UBR2: variants seen among roughly 807,000 people sequenced by gnomAD.
The protein encoded by UBR2 is E3 ubiquitin-protein ligase UBR2.
UBR2 carries 92 observed loss-of-function variants against 247.9 expected under a neutral mutation model. The ratio of observed to expected loss-of-function variants is 0.37; its 90% CI spans 0.31 to 0.44. The LOEUF is 0.44. UBR2 is among the 20% of genes least tolerant of loss of function. UBR2 has a pLI of 1.00. For synonymous variants in UBR2, 672 were observed against 693.5 expected (o/e 0.97, Z 0.49); for missense variants, 1,613 against 2,112.6 (o/e 0.76, Z 4.64).
intron 30 of UBR2, among the ~76,000 whole-genome samples, chr6:42,660,302 G>T (rs1325654367): frequency 6.6e-6 from 1 of 152,168 alleles, no homozygotes; most frequent in Admixed American, 6.5e-5. Context: ...TACCACCACA[G>T]ATCGGGTTCC....
In UBR2 at chr6:42,692,224, G is replaced by GC. The variant is rs1359554895; in HGVS notation, c.*1052dup. 6.6e-6 allele frequency: 1 copy of GC among 151,958 alleles called. No individual in the cohort carries two copies. The highest frequency in any genetic ancestry group is 1.5e-5 in the Non-Finnish European group (1 of 67,984). The allele number at this position is 151,958 out of a possible 1,614,324, so 9.4% of individuals were successfully genotyped here. A position where few individuals can be genotyped will look rare whatever the true frequency, so the allele number is the denominator to read the frequency against. The stretch of plus-strand genomic sequence containing the variant: ...GTGATATTCTCTTGTTATTTCTAAG[G>GC]CTAAATTGGCAGAGTATATCATCTA... On this transcript the variant is annotated 3_prime_UTR_variant, in exon 47 of 47. Transcript: ENST00000372901.
intron 11 of UBR2, among the ~76,000 whole-genome samples, chr6:42,627,125 G>C (rs1397982861): frequency 6.6e-6 from 1 of 152,156 alleles, no homozygotes; most frequent in Non-Finnish European, 1.5e-5. Flanking sequence ...CTAGGAAATA[G>C]GGGATGCTGA....
At chr6:42,632,491 T>C (rs1795811039) in intron 11 of UBR2, 61 bp from the exon 12 acceptor site, 1 of 1,419,852 alleles carries the variant, frequency 7.0e-7, no homozygotes, top group Non-Finnish European at 9.3e-7. Flanking sequence ...GTGACTTTTT[T>C]TTTAGTCTTC....
chr6:42,659,132 G>A lies in UBR2; in HGVS notation c.3242+308G>A, dbSNP rs1451308868. 6.6e-6 allele frequency among the ~76,000 whole-genome samples: 1 copy of A among 152,110 alleles called. No individual in the cohort carries two copies. The highest frequency in any genetic ancestry group is 2.4e-5 in the African/African-American group (1 of 41,422). On this transcript the variant is annotated intron_variant, in intron 29 of 46. Transcript: ENST00000372901. The surrounding 1 kb of genome is among the most constrained non-coding windows in gnomAD (Gnocchi z 4.3). ...GTGTTGAAGATTAGATTACTGTGAG[G>A]ATTAAAGGAGATGGTTTTGATACAT...
chr6:42,641,543 T>A (rs763843986), intron 16 of UBR2, 39 bp from the exon 17 acceptor site: 1 of 1,511,228 alleles, frequency 6.6e-7, no homozygotes. Context: ...ATGTGTGTGT[T>A]TTTTTTGTTT....
At chr6:42,642,129 A>G (rs1796485058) in intron 17 of UBR2, among the ~76,000 whole-genome samples, 1 of 152,018 alleles carries the variant, frequency 6.6e-6, no homozygotes, top group African/African-American at 2.4e-5. Context: ...CCATAAACAG[A>G]TTTTGTTTTT....
At chr6:42,610,949 G>A (rs947495722) in intron 7 of UBR2, among the ~76,000 whole-genome samples, 8 of 151,044 alleles carry the variant, frequency 5.3e-5, no homozygotes, top group Non-Finnish European at 7.4e-5. Context: ...AGGTTGAAGC[G>A]ATTCTCCTGC....
intron 34 of UBR2, among the ~76,000 whole-genome samples, chr6:42,667,801 C>T (rs1470792436): frequency 4.1e-5 from 6 of 147,680 alleles, no homozygotes; most frequent in African/African-American, 1.5e-4. Flanking sequence ...ACTCTGTCAC[C>T]CAGGCTGGAG....
At chr6:42,667,314 C>T (rs936893164) in intron 34 of UBR2, among the ~76,000 whole-genome samples, 37 of 150,040 alleles carry the variant, frequency 2.5e-4, no homozygotes, top group African/African-American at 7.4e-4. Context: ...CCAGCCTGGG[C>T]GACAGACCAA....
chr6:42,643,549 T>C (rs1796570416), intron 18 of UBR2, among the ~76,000 whole-genome samples: 1 of 152,096 alleles, frequency 6.6e-6, no homozygotes. Flanking sequence ...TGAGCTGAGA[T>C]CACTCCACTG....
chr6:42,577,222 C>T (rs1351507351), intron 2 of UBR2, among the ~76,000 whole-genome samples: 1 of 151,982 alleles, frequency 6.6e-6, no homozygotes. Context: ...TAAACTAGAC[C>T]CTTCAGGATA....
intron 2 of UBR2, among the ~76,000 whole-genome samples, chr6:42,582,797 A>G (rs1206062172): frequency 6.6e-6 from 1 of 152,152 alleles, no homozygotes. Context: ...CATATACTAC[A>G]TAGACTGTTT....
At chr6:42,581,989 G>T (rs1582446812) in intron 2 of UBR2, among the ~76,000 whole-genome samples, 1 of 151,912 alleles carries the variant, frequency 6.6e-6, no homozygotes, top group Non-Finnish European at 1.5e-5. Flanking sequence ...AGCTTTTAAT[G>T]ATACATTTTA....
intron 7 of UBR2, 76 bp from the exon 8 acceptor site, chr6:42,612,095 G>A: frequency 7.4e-7 from 1 of 1,360,360 alleles, no homozygotes. Context: ...GTTATATTAA[G>A]TAAAAATAAT....
At chr6:42,614,244 A>G (rs1178041318) in intron 8 of UBR2, among the ~76,000 whole-genome samples, 643 of 24,742 alleles carry the variant, frequency 0.026, 39 homozygotes, top group South Asian at 0.16. Flanking sequence ...ACACACACAC[A>G]CGCGCGCACA....
chr6:42,632,540 CTTTGT>C lies in UBR2; in HGVS notation c.1282-8_1282-4del. 6.3e-7 allele frequency: 1 copy of C among 1,583,930 alleles called. No homozygotes were observed. ...TTTGATTACCATGCACTCTGATAAA[CTTTGT>C]TTTTAGGCTCGAATGCTCATCACAG... On this transcript the variant is annotated splice_region_variant and splice_polypyrimidine_tract_variant and intron_variant, in intron 11 of 46. Coordinates refer to ENST00000372901, the MANE Select transcript of UBR2 (RefSeq NM_001363705.2).
At chr6:42,588,212 A>G (rs1792418847) in intron 2 of UBR2, among the ~76,000 whole-genome samples, 1 of 152,238 alleles carries the variant, frequency 6.6e-6, no homozygotes, top group South Asian at 2.1e-4. Context: ...GCTTACAGAT[A>G]TTATAAAGGA....
intron 26 of UBR2, among the ~76,000 whole-genome samples, chr6:42,657,554 A>G (rs1169947569): frequency 1.3e-5 from 2 of 152,240 alleles, no homozygotes; most frequent in Non-Finnish European, 2.9e-5. Context: ...ACTAATAGAA[A>G]ATATGGACTT....
rs1366047673 is a variant in UBR2, at chr6:42,601,938, C to T, written c.532-1650C>T. Among the ~76,000 whole-genome samples the T allele has an allele frequency of 1.6e-4, 21 of 132,458 alleles. 2 individuals carry two copies. Among genetic ancestry groups the T allele is most frequent in the African/African-American group, 5.8e-4 (20 of 34,718 alleles). The allele number at this position is 132,458 out of a possible 152,430, so 86.9% of individuals were successfully genotyped here. A position where few individuals can be genotyped will look rare whatever the true frequency, so the allele number is the denominator to read the frequency against. On this transcript the variant is annotated intron_variant, in intron 4 of 46. Coordinates refer to ENST00000372901, the MANE Select transcript of UBR2 (RefSeq NM_001363705.2). Reference sequence around the variant, plus strand: ...AGGCTGGAGTACAGTGGCACAATCTCGGTTCCCTGCAACCTCCGTCTCCTG... The same window carrying T: ...AGGCTGGAGTACAGTGGCACAATCTTGGTTCCCTGCAACCTCCGTCTCCTG...
Sources: gnomAD v4.1 joint callset for allele counts (sites outside exome capture counted in the v4.1 genomes callset) on GRCh38, gnomAD v4.1.1 for gene constraint, Gnocchi (gnomAD v3.1) non-coding constraint, MANE v1.5 for transcripts, NCBI Gene and HGNC (gene_info 2026-07-23, HGNC 2026-07-21) for gene names.